The following LRIG1 variants were observed in gnomAD, a reference collection of about 807,000 sequenced individuals.
LRIG1 encodes leucine-rich repeats and immunoglobulin-like domains protein 1.
A neutral mutation model predicts 99.2 loss-of-function variants in LRIG1; 48 were observed. That is an observed-to-expected ratio of 0.48 (90% confidence interval 0.38 to 0.62). LRIG1 has a LOEUF of 0.62. Ranked by LOEUF, LRIG1 falls within the 20% of genes least tolerant of loss-of-function variation. The probability of loss-of-function intolerance (pLI) is 0.00; values close to 1 mark genes in which losing one functional copy is unlikely to be tolerated. For synonymous variants in LRIG1, 772 were observed against 596.1 expected (o/e 1.29, Z -4.30); for missense variants, 1,646 against 1,434.4 (o/e 1.15, Z -2.38).
At chr3:66,462,549 C>T (rs1175034826) in intron 1 of LRIG1, 40 bp from the exon 2 acceptor site, 1 of 1,383,512 alleles carries the variant, frequency 7.2e-7, no homozygotes, top group South Asian at 1.2e-5. Context: ...AATCAACAAC[C>T]TGGCATCATA....
chr3:66,461,826 AG>A (rs1339517137), intron 2 of LRIG1, among the ~76,000 whole-genome samples: 2 of 152,382 alleles, frequency 1.3e-5, no homozygotes, highest in African/African-American at 4.8e-5. Context: ...AGACACTGCA[AG>A]GGACAGCAAG....
chr3:66,435,784 T>A (rs748405922), intron 3 of LRIG1, among the ~76,000 whole-genome samples: 4,012 of 40,544 alleles, frequency 0.099, 96 homozygotes, highest in Non-Finnish European at 0.27. Flanking sequence ...CATATTACTT[T>A]TTTTTTTTTT....
At chr3:66,386,990 C>G (rs1559769276) in intron 12 of LRIG1, 1 of 150,950 alleles carries the variant, frequency 6.6e-6, no homozygotes, top group East Asian at 2.0e-4. Context: ...CCAAAAGCCC[C>G]ATCCTCAGAA....
chr3:66,410,288 T>G lies in LRIG1; in HGVS notation c.792-16A>C. 6.3e-7 allele frequency: 1 copy of G among 1,591,388 alleles called. No individual in the cohort carries two copies. Among genetic ancestry groups the G allele is most frequent in the Non-Finnish European group, 8.6e-7 (1 of 1,169,018 alleles). On this transcript the variant is annotated splice_polypyrimidine_tract_variant and intron_variant, in intron 6 of 18. Coordinates refer to ENST00000273261, the MANE Select transcript of LRIG1 (RefSeq NM_015541.3). ...CTCCAGGTGCCTGCAATGACAGCCA[T>G]GCACAGGATGAAGAGGAGCTTTCAC...
intron 7 of LRIG1, 114 bp from the exon 8 acceptor site, chr3:66,407,605 A>ACACG (rs1315838321): frequency 8.5e-7 from 1 of 1,170,888 alleles, no homozygotes; most frequent in South Asian, 1.4e-5. Flanking sequence ...ACACAGATGC[A>ACACG]CACGCACGCG....
intron 16 of LRIG1, 32 bp from the exon 17 acceptor site, chr3:66,381,663 C>A (rs368183787): frequency 1.2e-6 from 2 of 1,602,382 alleles, no homozygotes; most frequent in Non-Finnish European, 1.7e-6. Context: ...ATTAGAAACT[C>A]TGGGCTTGGT....
At chr3:66,384,333 C>A (rs776917146) in intron 13 of LRIG1, 61 bp from the exon 14 acceptor site, 34 of 1,542,802 alleles carry the variant, frequency 2.2e-5, no homozygotes, top group Non-Finnish European at 2.9e-5. Context: ...ACCAGGAAGT[C>A]CTCTGGCAAA....
chr3:66,464,553 T>A (rs528203449), intron 1 of LRIG1, among the ~76,000 whole-genome samples: 1 of 151,680 alleles, frequency 6.6e-6, no homozygotes, highest in South Asian at 2.1e-4. Context: ...GCAGGCCCCA[T>A]TTGGCTTGAG....
chr3:66,497,843 G>A (rs1701263516), intron 1 of LRIG1, among the ~76,000 whole-genome samples: 2 of 150,808 alleles, frequency 1.3e-5, no homozygotes. Context: ...GCATTTTCTA[G>A]ACACCGTGGG....
chr3:66,467,570 C>T (rs1023212731), intron 1 of LRIG1, among the ~76,000 whole-genome samples: 13 of 151,934 alleles, frequency 8.6e-5, no homozygotes, highest in African/African-American at 2.7e-4. Context: ...ACCGTGTTAG[C>T]CAGGATGGTC....
At chr3:66,404,410 T>C in intron 9 of LRIG1, 1 of 1,233,588 alleles carries the variant, frequency 8.1e-7, no homozygotes, top group African/African-American at 1.6e-5. Context: ...ACAGTAATAA[T>C]GACTCTCGTC....
intron 2 of LRIG1, among the ~76,000 whole-genome samples, chr3:66,461,229 C>T (rs976600630): frequency 7.2e-5 from 11 of 152,096 alleles, no homozygotes; most frequent in African/African-American, 1.9e-4. Context: ...CACTTGAACC[C>T]GGGAGGCAGA....
At position 66,404,654 on chromosome 3, in the gene LRIG1, C is replaced by A. The variant is rs147812954; in HGVS notation, c.1160+544G>T. Among the ~76,000 whole-genome samples, 316 of 152,212 alleles carry A rather than the reference C, an allele frequency of 2.1e-3. 2 individuals carry two copies. Among genetic ancestry groups the A allele is most frequent in the African/African-American group, 7.3e-3 (305 of 41,528 alleles). On this transcript the variant is annotated intron_variant, in intron 9 of 18. Coordinates refer to ENST00000273261, the MANE Select transcript of LRIG1 (RefSeq NM_015541.3). ...TCATGAGATCATTAGGTACAACACA[C>A]ACAGGTGCTTGGCAGATTAACTGGC...
At chr3:66,391,855 T>TA (rs1701633277) in intron 12 of LRIG1, among the ~76,000 whole-genome samples, 1 of 152,180 alleles carries the variant, frequency 6.6e-6, no homozygotes, top group Non-Finnish European at 1.5e-5. Flanking sequence ...AATTCAATGG[T>TA]TTTTAGTATA....
At chr3:66,442,784 C>T (rs553603583) in intron 3 of LRIG1, among the ~76,000 whole-genome samples, 31 of 152,266 alleles carry the variant, frequency 2.0e-4, no homozygotes, top group African/African-American at 7.2e-4. Flanking sequence ...AAAAGCCCTA[C>T]GCTCAACAAA....
At chr3:66,400,567 G>C (rs1201280151) in intron 9 of LRIG1, among the ~76,000 whole-genome samples, 1 of 152,188 alleles carries the variant, frequency 6.6e-6, no homozygotes, top group East Asian at 1.9e-4. Context: ...AGCCCCTGGA[G>C]AAAGCCCATC....
At chr3:66,483,968 C>A (rs566482576) in intron 1 of LRIG1, among the ~76,000 whole-genome samples, 1 of 152,364 alleles carries the variant, frequency 6.6e-6, no homozygotes, top group Admixed American at 6.5e-5. Flanking sequence ...ACAATTCTTG[C>A]ATATGGGACT....
rs2306272 is a variant in LRIG1, at chr3:66,384,219, T to C, written c.1843A>G (p.Met615Val). ...GTGGCAGCACATTCGAGGCGGGCCATGGTGGTGGTCCGGATGGTTATGTCG... is the reference window on the plus strand; with the variant it reads ...GTGGCAGCACATTCGAGGCGGGCCACGGTGGTGGTCCGGATGGTTATGTCG... ...PHDITIRTTT[M>V]ARLECAATGH... The change falls in exon 14 of 19, where the codon ATG (methionine) becomes GTG (valine). Residue 615 changes from methionine to valine, a missense_variant. Transcript: ENST00000273261. 0.29 allele frequency: 474,665 copies of C among 1,613,766 alleles called. 76,066 individuals carry two copies. The highest frequency in any genetic ancestry group is 0.72 in the East Asian group (32,083 of 44,836).
intron 1 of LRIG1, among the ~76,000 whole-genome samples, chr3:66,493,801 A>G (rs1342731125): frequency 1.3e-5 from 2 of 151,110 alleles, no homozygotes; most frequent in Non-Finnish European, 3.0e-5. Flanking sequence ...GTCGAAAGAA[A>G]GAAAAGAAAG....
Sources: gnomAD v4.1 joint callset for allele counts (sites outside exome capture counted in the v4.1 genomes callset) on GRCh38, gnomAD v4.1.1 for gene constraint, MANE v1.5 for transcripts, NCBI Gene and HGNC (gene_info 2026-07-23, HGNC 2026-07-21) for gene names.